Variants in SS18 observed in about 807,000 individuals in gnomAD.
The protein encoded by SS18 is SS18 subunit of BAF chromatin remodeling complex.
In SS18, 28 loss-of-function variants were observed where a neutral mutation model predicts 72.5. That is an observed-to-expected ratio of 0.39 (90% CI 0.29 to 0.53). The LOEUF (loss-of-function observed/expected upper bound fraction) is 0.53, where lower values mean the gene tolerates loss of function less well. Ranked by LOEUF, SS18 falls within the 20% of genes least tolerant of loss-of-function variation. The probability of loss-of-function intolerance (pLI) is 0.76; values close to 1 mark genes in which losing one functional copy is unlikely to be tolerated. For missense variants in SS18, 518 were observed against 535.3 expected (o/e 0.97, Z 0.32); for synonymous variants, 172 against 164.2 (o/e 1.05, Z -0.37).
At position 26,080,424 on chromosome 18, in the gene SS18, C is replaced by A. The variant is rs1449864307; in HGVS notation, c.147-2264G>T. On this transcript the variant is annotated intron_variant, in intron 2 of 10. Coordinates refer to ENST00000415083, the MANE Select transcript of SS18 (RefSeq NM_001007559.3). ...TAACAGATGTGGTTTATTCATGACCCTTTAAGAAAAAATTTTAGTATCATG... is the reference window on the plus strand; with the variant it reads ...TAACAGATGTGGTTTATTCATGACCATTTAAGAAAAAATTTTAGTATCATG... 3.0e-6 allele frequency: 3 copies of A among 983,700 alleles called. No individual in the cohort carries two copies. In the African/African-American group the frequency reaches 5.2e-5, roughly 17 times the overall value. 60.9% of individuals were successfully genotyped at this position (983,700 alleles called of 1,614,324 possible).
At chr18:26,050,536 G>C (rs143132606) in intron 5 of SS18, among the ~76,000 whole-genome samples, 280 of 151,818 alleles carry the variant, frequency 1.8e-3, no homozygotes, top group Middle Eastern at 6.8e-3. Context: ...TTTATTAAAA[G>C]GTAACATATA....
intron 5 of SS18, among the ~76,000 whole-genome samples, chr18:26,049,821 TTTCTC>T (rs1396261830): frequency 3.3e-5 from 5 of 152,198 alleles, no homozygotes; most frequent in African/African-American, 1.2e-4. Context: ...CAGCCAGATC[TTTCTC>T]TTAAGGTTCA....
chr18:26,035,389 C>G lies in SS18; in HGVS notation c.974-262G>C. 2.3e-6 allele frequency: 1 copy of G among 427,688 alleles called. No homozygotes were observed. The highest frequency in any genetic ancestry group is 4.3e-6 in the Non-Finnish European group (1 of 232,168). The allele number at this position is 427,688 out of a possible 1,614,324, so 26.5% of individuals were successfully genotyped here. On this transcript the variant is annotated intron_variant, in intron 8 of 10. Transcript: ENST00000415083. This position sits in a 1 kb window ranked among gnomAD's most constrained non-coding sequence, Gnocchi z 4.4. ...GAGCATTACATTTACTGGAACATCA[C>G]AGTCATAAGATCATGACTATGCTAA...
Position 26,038,616 on chromosome 18 carries a change from G to A in SS18, c.819C>T (p.Asp273=). ...GACCTTGTCCACCATGACTGTATTGGTCCCCGTAATAGTCTTCCTGGCCTG... is the reference window on the plus strand; with the variant it reads ...GACCTTGTCCACCATGACTGTATTGATCCCCGTAATAGTCTTCCTGGCCTG... ...QYSGQEDYYG[D]QYSHGGQGPP... The change falls in exon 7 of 11, where the codon GAC becomes GAT. Residue 273 remains aspartate (D), a synonymous_variant. Transcript: ENST00000415083. The A allele has an allele frequency of 6.2e-7, 1 of 1,613,494 alleles. No homozygotes were observed. Among genetic ancestry groups the A allele is most frequent in the Non-Finnish European group, 8.5e-7 (1 of 1,179,578 alleles).
intron 3 of SS18, among the ~76,000 whole-genome samples, chr18:26,067,871 C>T (rs928024764): frequency 6.6e-6 from 1 of 152,066 alleles, no homozygotes; most frequent in African/African-American, 2.4e-5. Context: ...TGATGGTGGC[C>T]GGATGGTGGG....
At chr18:26,048,088 G>A (rs1161613704) in intron 5 of SS18, among the ~76,000 whole-genome samples, 2 of 152,170 alleles carry the variant, frequency 1.3e-5, no homozygotes, top group East Asian at 1.9e-4. Context: ...ACAGTTTTCC[G>A]CTATATATTT....
At chr18:26,085,669 CT>C (rs1282766873) in intron 2 of SS18, among the ~76,000 whole-genome samples, 1 of 152,102 alleles carries the variant, frequency 6.6e-6, no homozygotes, top group Non-Finnish European at 1.5e-5. Context: ...GCAGTTACCC[CT>C]ATGGAGGGGA....
intron 5 of SS18, 128 bp downstream of exon 5, chr18:26,052,496 T>A: frequency 1.4e-6 from 1 of 691,946 alleles, no homozygotes; most frequent in South Asian, 1.9e-5. Context: ...ATCTCCTTTT[T>A]ATGGGCATGA....
chr18:26,089,649 G>A (rs1394198349), intron 1 of SS18: 1 of 152,246 alleles, frequency 6.6e-6, no homozygotes, highest in African/African-American at 2.4e-5. Flanking sequence ...ACAAGGGGTA[G>A]AGGACAATAA....
At position 26,035,721 on chromosome 18, in the gene SS18, C is replaced by CA. The variant is rs1051973847; in HGVS notation, c.973+109dup. The CA allele has an allele frequency of 7.0e-6, 4 of 575,078 alleles. No homozygotes were observed. The African/African-American group carries it at 7.8e-5, about 11-fold the overall frequency. The allele number at this position is 575,078 out of a possible 1,614,324, so 35.6% of individuals were successfully genotyped here. On this transcript the variant is annotated intron_variant, in intron 8 of 10. Coordinates refer to ENST00000415083, the MANE Select transcript of SS18 (RefSeq NM_001007559.3). This position sits in a 1 kb window ranked among gnomAD's most constrained non-coding sequence, Gnocchi z 4.4. ...TCCCTGCAACTTTCAAGAAAGCCAG[C>CA]AACTAGTATTCTACAAGAGCTTTGC... is the stretch of plus-strand genomic sequence containing the variant.
rs1432385522 is a variant in SS18 at position 26,035,537 on chromosome 18, C to T, written c.973+294G>A. 4 of 301,388 alleles carry T rather than the reference C, an allele frequency of 1.3e-5. No homozygotes were observed. Among genetic ancestry groups the T allele is most frequent in the Non-Finnish European group, 1.2e-5 (2 of 164,148 alleles). The allele number at this position is 301,388 out of a possible 1,614,324, so 18.7% of individuals were successfully genotyped here. A position where few individuals can be genotyped will look rare whatever the true frequency, so the allele number is the denominator to read the frequency against. On this transcript the variant is annotated intron_variant, in intron 8 of 10. Coordinates refer to ENST00000415083, the MANE Select transcript of SS18 (RefSeq NM_001007559.3). This position sits in a 1 kb window ranked among gnomAD's most constrained non-coding sequence, Gnocchi z 4.4. ...AAAATTATACATATGTAAACACACA[C>T]GAGAAAAAAAAGTTTGATGGATTTA...
Position 26,090,613 on chromosome 18 carries a change from T to C in SS18, c.-44A>G. The C allele has an allele frequency of 6.5e-7, 1 of 1,543,938 alleles. No homozygotes were observed. The highest frequency in any genetic ancestry group is 8.8e-7 in the Non-Finnish European group (1 of 1,142,494). ...ATCGGCAAGTCCCGAGCGCTCCGGG[T>C]GAACGGCAAACTGGGGGAGAGACGC... On this transcript the variant is annotated 5_prime_UTR_variant, in exon 1 of 11. Coordinates refer to ENST00000415083, the MANE Select transcript of SS18 (RefSeq NM_001007559.3).
At chr18:26,075,464 T>C (rs2054395135) in intron 3 of SS18, among the ~76,000 whole-genome samples, 1 of 151,862 alleles carries the variant, frequency 6.6e-6, no homozygotes, top group Non-Finnish European at 1.5e-5. Flanking sequence ...CATTAACAGA[T>C]TAAAGAAGAA....
intron 3 of SS18, among the ~76,000 whole-genome samples, chr18:26,060,968 A>ATAAATAAACAAACACAGG: frequency 6.6e-6 from 1 of 150,782 alleles, no homozygotes; most frequent in East Asian, 2.0e-4. Flanking sequence ...AAAAAAAAAA[A>ATAAATAAACAAACACAGG]ACAGATTATG....
chr18:26,042,787 A>T (rs954923491), intron 5 of SS18, among the ~76,000 whole-genome samples: 7 of 152,088 alleles, frequency 4.6e-5, no homozygotes, highest in Non-Finnish European at 1.0e-4. Context: ...ACAATTAGGT[A>T]GACTGAAAAA....
chr18:26,062,386 TA>T lies in SS18; in HGVS notation c.232-4645del, dbSNP rs537072697. 4.3e-3 allele frequency among the ~76,000 whole-genome samples: 657 copies of T among 152,332 alleles called. 4 individuals carry two copies. Among genetic ancestry groups the T allele is most frequent in the African/African-American group, 0.014 (592 of 41,574 alleles). On this transcript the variant is annotated intron_variant, in intron 3 of 10. Transcript: ENST00000415083. ...AATATTTTAATATTTTAATGAAGAATATTTTAATCTCTAGGGCAACTACTTA... is the reference window on the plus strand; with the variant it reads ...AATATTTTAATATTTTAATGAAGAATTTTTAATCTCTAGGGCAACTACTTA...
At chr18:26,049,618 C>A (rs749435574) in intron 5 of SS18, among the ~76,000 whole-genome samples, 1 of 152,152 alleles carries the variant, frequency 6.6e-6, no homozygotes, top group African/African-American at 2.4e-5. Context: ...CTCAAGTGAA[C>A]CTCCTGCCTC....
intron 3 of SS18, among the ~76,000 whole-genome samples, chr18:26,064,203 T>C (rs1015437495): frequency 5.3e-5 from 8 of 152,104 alleles, no homozygotes; most frequent in African/African-American, 1.9e-4. Flanking sequence ...ATACCTTCAA[T>C]AGAGAATTCT....
chr18:26,074,636 T>A (rs1051477218), intron 3 of SS18, among the ~76,000 whole-genome samples: 2 of 152,024 alleles, frequency 1.3e-5, no homozygotes, highest in Non-Finnish European at 2.9e-5. Context: ...TTTTAACAAA[T>A]TTTTTAGATT....
Sources: allele counts gnomAD v4.1 joint callset (sites outside exome capture counted in the v4.1 genomes callset), GRCh38; gene constraint gnomAD v4.1.1; non-coding constraint Gnocchi (gnomAD v3.1); transcripts MANE v1.5; gene names NCBI Gene and HGNC (gene_info 2026-07-23, HGNC 2026-07-21).